PSKH2: variants seen among roughly 807,000 people sequenced by gnomAD.
PSKH2 encodes the protein protein serine kinase H2, also known as serine/threonine-protein kinase H2.
In PSKH2, 16 loss-of-function variants were observed where a neutral mutation model predicts 22.5. That is an observed-to-expected ratio of 0.71 (90% CI 0.48 to 1.08). PSKH2 has a LOEUF of 1.08. Ranked by LOEUF, PSKH2 falls within the 50% of genes least tolerant of loss-of-function variation. The pLI, the probability that PSKH2 is intolerant of heterozygous loss-of-function variation, is 0.00. For synonymous variants in PSKH2, 188 were observed against 184.8 expected (o/e 1.02, Z -0.14); for missense variants, 516 against 492.8 (o/e 1.05, Z -0.44).
At chr8:86,048,853 G>A in intron 2 of PSKH2, 86 bp from the exon 3 acceptor site, 1 of 1,190,562 alleles carries the variant, frequency 8.4e-7, no homozygotes, top group East Asian at 2.6e-5. Flanking sequence ...TAATTACATA[G>A]ATCAATGCCA....
chr8:86,069,661 C>A lies in PSKH2; in HGVS notation c.-39G>T. ...CCGCCGCTCGCGGGACCTGGGGACT[C>A]GGGAAGCAGCCAGCCCCGTTCCTCC... On this transcript the variant is annotated 5_prime_UTR_variant, in exon 1 of 3. Transcript: ENST00000276616. 1.3e-6 allele frequency: 2 copies of A among 1,482,218 alleles called. No homozygotes were observed. Among genetic ancestry groups the A allele is most frequent in the Non-Finnish European group, 1.8e-6 (2 of 1,120,784 alleles). The allele number at this position is 1,482,218 out of a possible 1,614,324, so 91.8% of individuals were successfully genotyped here.
At chr8:86,063,838 T>A in intron 2 of PSKH2, 127 bp downstream of exon 2, 1 of 705,320 alleles carries the variant, frequency 1.4e-6, no homozygotes, top group Non-Finnish European at 2.3e-6. Context: ...AGGGCAGTGA[T>A]GCTGCTAAGC....
chr8:86,068,430 A>G (rs1817893939), intron 1 of PSKH2, among the ~76,000 whole-genome samples: 1 of 152,224 alleles, frequency 6.6e-6, no homozygotes, highest in South Asian at 2.1e-4. Flanking sequence ...AATCTTCTAC[A>G]TAGGAAGGGC....
chr8:86,065,782 G>A (rs1817847865), intron 1 of PSKH2, among the ~76,000 whole-genome samples: 1 of 151,942 alleles, frequency 6.6e-6, no homozygotes, highest in African/African-American at 2.4e-5. Flanking sequence ...AGAGCAGCCT[G>A]AGCAAAAAAC....
intron 2 of PSKH2, among the ~76,000 whole-genome samples, chr8:86,052,498 C>T (rs984919861): frequency 6.6e-5 from 10 of 152,282 alleles, no homozygotes; most frequent in African/African-American, 2.2e-4. Context: ...ATCTCCTTCA[C>T]GAGATTGCCA....
Position 86,069,488 on chromosome 8 carries a change from C to T in PSKH2, c.135G>A (p.Arg45=), listed in dbSNP as rs754441107. 1 of 1,609,610 alleles carries T rather than the reference C, an allele frequency of 6.2e-7. No homozygotes were observed. The highest frequency in any genetic ancestry group is 8.5e-7 in the Non-Finnish European group (1 of 1,178,726). Residue 45 remains arginine (R), a synonymous_variant, in exon 1 of 3, where the codon AGG becomes AGA. Coordinates refer to ENST00000276616, the MANE Select transcript of PSKH2 (RefSeq NM_033126.3). ...GPEAAAQAAQ[R]IQVARFRAKF... ...TGGCTCGGAAGCGAGCCACCTGTAT[C>T]CTCTGCGCCGCCTGGGCCGCCGCCT... is the stretch of plus-strand genomic sequence containing the variant.
At position 86,048,330 on chromosome 8, in the gene PSKH2, A is replaced by T; in HGVS notation, c.*132T>A. 2 of 679,778 alleles carry T rather than the reference A, an allele frequency of 2.9e-6. No homozygotes were observed. Among genetic ancestry groups the T allele is most frequent in the Admixed American group, 2.9e-5 (1 of 34,914 alleles). 42.1% of individuals were successfully genotyped at this position (679,778 alleles called of 1,614,324 possible). A position where few individuals can be genotyped will look rare whatever the true frequency, so the allele number is the denominator to read the frequency against. On this transcript the variant is annotated 3_prime_UTR_variant, in exon 3 of 3. Coordinates refer to ENST00000276616, the MANE Select transcript of PSKH2 (RefSeq NM_033126.3). ...CAGGTATAGGAAAAATTATAGAACA[A>T]GAAAATGTTAAAAGTCAAGATCAAT...
At chr8:86,062,587 A>T (rs906470091) in intron 2 of PSKH2, among the ~76,000 whole-genome samples, 1 of 152,012 alleles carries the variant, frequency 6.6e-6, no homozygotes. Flanking sequence ...GGTTTTATAA[A>T]GGGCTCTTTC....
At chr8:86,063,815 G>T (rs769625528) in intron 2 of PSKH2, 150 bp downstream of exon 2, 151 of 617,076 alleles carry the variant, frequency 2.4e-4, no homozygotes, top group Non-Finnish European at 3.8e-4. Flanking sequence ...TACATTACTG[G>T]TATTTAGAGT....
At position 86,048,501 on chromosome 8, in the gene PSKH2, G is replaced by C. The variant is rs376573840; in HGVS notation, c.1119C>G (p.Asn373Lys). The change falls in exon 3 of 3, where the codon AAC (asparagine) becomes AAG (lysine). Residue 373 changes from asparagine (N) to lysine (K), a missense_variant. Physicochemically the swap from Asn to Lys is moderately conservative, Grantham distance 94 (BLOSUM62 0). Coordinates refer to ENST00000276616, the MANE Select transcript of PSKH2 (RefSeq NM_033126.3). ...ACAGTGGCGATTCTACTATCCTTAA[G>C]TTTCTCTTGCTCCACATATGCCTGG... ...HKSRHMWSKRNLRIVESPLSA... is the reference protein window; with the variant it reads ...HKSRHMWSKRKLRIVESPLSA... 1 of 1,613,964 alleles carries C rather than the reference G, an allele frequency of 6.2e-7. No individual in the cohort carries two copies. The highest frequency in any genetic ancestry group is 8.5e-7 in the Non-Finnish European group (1 of 1,179,964).
intron 2 of PSKH2, among the ~76,000 whole-genome samples, chr8:86,055,980 C>G (rs888261065): frequency 6.7e-6 from 1 of 149,920 alleles, no homozygotes. Flanking sequence ...ATGTGTGTGT[C>G]TGTGTGTGTG....
chr8:86,051,981 A>T (rs1817636946), intron 2 of PSKH2, among the ~76,000 whole-genome samples: 1 of 152,344 alleles, frequency 6.6e-6, no homozygotes, highest in Non-Finnish European at 1.5e-5. Flanking sequence ...CAGAAAGAAA[A>T]TGAACTATTT....
intron 2 of PSKH2, among the ~76,000 whole-genome samples, chr8:86,057,138 G>A (rs1174442386): frequency 6.6e-6 from 1 of 151,896 alleles, no homozygotes; most frequent in Non-Finnish European, 1.5e-5. Flanking sequence ...TGCCCAGGCT[G>A]GCCTTGAACT....
Position 86,048,710 on chromosome 8 carries a change from C to T in PSKH2, c.910G>A (p.Glu304Lys), listed in dbSNP as rs1355526144. The T allele has an allele frequency of 6.2e-7, 1 of 1,613,776 alleles. No homozygotes were observed. The highest frequency in any genetic ancestry group is 1.3e-5 in the African/African-American group (1 of 74,828). Residue 304 changes from glutamate to lysine, a missense_variant, in exon 3 of 3, where the codon GAG (glutamate) becomes AAG (lysine). Physicochemically the swap from Glu to Lys is moderately conservative, Grantham distance 56. Transcript: ENST00000276616. ...CCAGCTGACATGCGATGACCAGCCT[C>T]CAAAATCAGTAGTTTGTCTATAAAG... ...KDFIDKLLIL[E>K]AGHRMSAGQA... is the part of the protein sequence containing the mutation.
chr8:86,067,819 A>T (rs572094106), intron 1 of PSKH2, among the ~76,000 whole-genome samples: 22 of 152,330 alleles, frequency 1.4e-4, no homozygotes, highest in African/African-American at 5.3e-4. Flanking sequence ...AAGGAAGACG[A>T]CTGTGTTCTA....
chr8:86,059,487 G>T (rs1444811973), intron 2 of PSKH2, among the ~76,000 whole-genome samples: 1 of 152,296 alleles, frequency 6.6e-6, no homozygotes, highest in East Asian at 1.9e-4. Flanking sequence ...AGCTCCTAGA[G>T]ACTGTCCTTA....
intron 2 of PSKH2, among the ~76,000 whole-genome samples, chr8:86,061,090 G>A (rs1001761119): frequency 2.0e-5 from 3 of 152,158 alleles, no homozygotes; most frequent in African/African-American, 7.2e-5. Context: ...TAGGTGTGGT[G>A]TGAAAACCCT....
rs1452779614 is a variant in PSKH2, at chr8:86,048,305, C to A, written c.*157G>T. The A allele has an allele frequency of 5.3e-6, 3 of 570,576 alleles. No individual in the cohort carries two copies. The highest frequency in any genetic ancestry group is 6.0e-6 in the Non-Finnish European group (2 of 330,694). The allele number at this position is 570,576 out of a possible 1,614,324, so 35.3% of individuals were successfully genotyped here. A position where few individuals can be genotyped will look rare whatever the true frequency, so the allele number is the denominator to read the frequency against. Reference sequence around the variant, plus strand: ...GCAGTATATTTTGGGAAAATGAATACAGGTATAGGAAAAATTATAGAACAA... The same window carrying A: ...GCAGTATATTTTGGGAAAATGAATAAAGGTATAGGAAAAATTATAGAACAA... On this transcript the variant is annotated 3_prime_UTR_variant, in exon 3 of 3. Coordinates refer to ENST00000276616, the MANE Select transcript of PSKH2 (RefSeq NM_033126.3).
chr8:86,064,252 G>A lies in PSKH2; in HGVS notation c.565C>T (p.Leu189Phe). ...TCTTCACCTGGATGATAGTATAAGA[G>A]GTTTTCAGGCTTTAGATTCCTATGA... is the stretch of plus-strand genomic sequence containing the variant. ...ITHRNLKPEN[L>F]LYYHPGEESK... The change falls in exon 2 of 3, where the codon CTC (leucine) becomes TTC (phenylalanine). Residue 189 changes from leucine (L) to phenylalanine (F), a missense_variant. By Grantham distance (22) the Leu-to-Phe change is conservative. Transcript: ENST00000276616. 6.2e-7 allele frequency: 1 copy of A among 1,614,106 alleles called. No homozygotes were observed. The highest frequency in any genetic ancestry group is 8.5e-7 in the Non-Finnish European group (1 of 1,180,032).
Sources: allele counts gnomAD v4.1 joint callset (sites outside exome capture counted in the v4.1 genomes callset), GRCh38; gene constraint gnomAD v4.1.1; transcripts MANE v1.5; gene names NCBI Gene and HGNC (gene_info 2026-07-23, HGNC 2026-07-21).